Variants in RAB22A observed in about 807,000 individuals in gnomAD.
RAB22A encodes the protein RAB22A, member RAS oncogene family, also known as ras-related protein Rab-22A.
A neutral mutation model predicts 30.2 loss-of-function variants in RAB22A; 13 were observed. The ratio of observed to expected loss-of-function variants is 0.43; its 90% CI spans 0.28 to 0.68. RAB22A has a LOEUF of 0.68. Among genes scored for constraint, RAB22A ranks in the 30% least tolerant of loss-of-function variants. RAB22A has a pLI of 0.18. For synonymous variants in RAB22A, 89 were observed against 87.2 expected (o/e 1.02, Z -0.11); for missense variants, 177 against 246.8 (o/e 0.72, Z 1.89).
chr20:58,357,191 TC>T (rs749422920), intron 6 of RAB22A, among the ~76,000 whole-genome samples: 35 of 152,362 alleles, frequency 2.3e-4, no homozygotes, highest in Non-Finnish European at 3.5e-4. Context: ...GTCAGTGATC[TC>T]CATTTTCATG....
At chr20:58,335,189 C>A (rs560338938) in intron 2 of RAB22A, among the ~76,000 whole-genome samples, 2 of 152,344 alleles carry the variant, frequency 1.3e-5, no homozygotes, top group African/African-American at 4.8e-5. Flanking sequence ...GGACAGTTAA[C>A]CCTCATCTCT....
intron 2 of RAB22A, among the ~76,000 whole-genome samples, chr20:58,321,688 C>T (rs1271750756): frequency 2.0e-5 from 3 of 151,936 alleles, no homozygotes; most frequent in African/African-American, 7.3e-5. Context: ...TCGAAGCTTT[C>T]GTTATTGAGT....
At chr20:58,331,648 A>G (rs776486321) in intron 2 of RAB22A, among the ~76,000 whole-genome samples, 2 of 151,820 alleles carry the variant, frequency 1.3e-5, no homozygotes, top group Non-Finnish European at 2.9e-5. Context: ...AGTATTTGGC[A>G]TTATCTTGAC....
Position 58,364,921 on chromosome 20 carries a change from G to A in RAB22A, c.*5218G>A, listed in dbSNP as rs1987288704. On this transcript the variant is annotated 3_prime_UTR_variant, in exon 7 of 7. Transcript: ENST00000244040. Reference sequence around the variant, plus strand: ...AGCTAATTTTTGTATTTTTAGTAGAGATGGGGTTTCACCATGTTTGCCAGG... The same window carrying A: ...AGCTAATTTTTGTATTTTTAGTAGAAATGGGGTTTCACCATGTTTGCCAGG... The A allele has an allele frequency of 6.6e-6, 1 of 151,948 alleles. No homozygotes were observed. The highest frequency in any genetic ancestry group is 2.1e-4 in the South Asian group (1 of 4,816). 9.4% of individuals were successfully genotyped at this position (151,948 alleles called of 1,614,324 possible). A position where few individuals can be genotyped will look rare whatever the true frequency, so the allele number is the denominator to read the frequency against.
chr20:58,351,639 C>A (rs1433575997), intron 3 of RAB22A, among the ~76,000 whole-genome samples: 1 of 152,152 alleles, frequency 6.6e-6, no homozygotes, highest in Non-Finnish European at 1.5e-5. Flanking sequence ...CATGGAGAAA[C>A]CCCATCTCTA....
rs1479534905 is a variant in RAB22A, at chr20:58,366,885, A to G, written c.*7182A>G. ...AAAGTCCAAATTAAAAGTCTTGAAG[A>G]AAAACAGCTATGGCAATGAGCCTAG... On this transcript the variant is annotated 3_prime_UTR_variant, in exon 7 of 7. Transcript: ENST00000244040. The G allele has an allele frequency of 6.6e-6, 1 of 152,638 alleles. No homozygotes were observed. The highest frequency in any genetic ancestry group is 2.4e-5 in the African/African-American group (1 of 41,464). 9.5% of individuals were successfully genotyped at this position (152,638 alleles called of 1,614,324 possible). A position where few individuals can be genotyped will look rare whatever the true frequency, so the allele number is the denominator to read the frequency against.
intron 6 of RAB22A, among the ~76,000 whole-genome samples, chr20:58,357,883 T>G (rs1987158165): frequency 6.6e-6 from 1 of 152,230 alleles, no homozygotes; most frequent in Non-Finnish European, 1.5e-5. Flanking sequence ...CATCTTAGCC[T>G]TGTTAATGTC....
chr20:58,316,290 T>A (rs526743), intron 2 of RAB22A, among the ~76,000 whole-genome samples: 1 of 152,046 alleles, frequency 6.6e-6, no homozygotes, highest in African/African-American at 2.4e-5. Context: ...TTCATCTTCT[T>A]ACCTCCAGGG....
rs556359625 is a variant in RAB22A, at chr20:58,323,700, G to A, written c.116+12578G>A. On this transcript the variant is annotated intron_variant, in intron 2 of 6. Transcript: ENST00000244040. ...GTTCGGGATAGATTTGAACACCTGG[G>A]CTCAAGTGATCCTCCTGCCTCAACC... Among the ~76,000 whole-genome samples, 316 of 150,500 alleles carry A rather than the reference G, an allele frequency of 2.1e-3. 3 individuals carry two copies. Among genetic ancestry groups the A allele is most frequent in the Non-Finnish European group, 2.2e-3 (152 of 67,766 alleles).
rs533123357 is a variant in RAB22A, at chr20:58,362,524, T to C, written c.*2821T>C. 1.3e-5 allele frequency: 2 copies of C among 152,242 alleles called. No individual in the cohort carries two copies. Among genetic ancestry groups the C allele is most frequent in the Non-Finnish European group, 2.9e-5 (2 of 68,040 alleles). 9.4% of individuals were successfully genotyped at this position (152,242 alleles called of 1,614,324 possible). ...AGAAAAATTATTAATTAGCTGCTAC[T>C]GTATGTTGATTCTTTTCGGAGAAAT... On this transcript the variant is annotated 3_prime_UTR_variant, in exon 7 of 7. Transcript: ENST00000244040.
intron 2 of RAB22A, among the ~76,000 whole-genome samples, chr20:58,327,541 A>G (rs912364271): frequency 6.6e-6 from 1 of 152,196 alleles, no homozygotes; most frequent in African/African-American, 2.4e-5. Flanking sequence ...CACAGAGCAA[A>G]TGATTCAAGA....
chr20:58,311,046 A>G lies in RAB22A; in HGVS notation c.40A>G (p.Thr14Ala). The change falls in exon 2 of 7, where the codon ACA (threonine) becomes GCA (alanine). Residue 14 changes from threonine (T) to alanine (A), a missense_variant. By Grantham distance (58) the Thr-to-Ala change is moderately conservative. Coordinates refer to ENST00000244040, the MANE Select transcript of RAB22A (RefSeq NM_020673.3). ...RELKVCLLGD[T>A]GVGKSSIVWR... Reference sequence around the variant, plus strand: ...CCCTCATCTCGTTCTCTTTCAGGATACAGGTGTAGGTAAATCGAGTATTGT... The same window carrying G: ...CCCTCATCTCGTTCTCTTTCAGGATGCAGGTGTAGGTAAATCGAGTATTGT... 6.3e-7 allele frequency: 1 copy of G among 1,599,720 alleles called. No homozygotes were observed. Among genetic ancestry groups the G allele is most frequent in the African/African-American group, 1.3e-5 (1 of 74,738 alleles).
chr20:58,309,927 C>T lies in RAB22A; in HGVS notation c.-50C>T, dbSNP rs781257434. ...GATGCTCTTGCTGGGCCTGGCCTCT[C>T]CCTTCTCAACTTAGGGCGGCGGCGG... On this transcript the variant is annotated 5_prime_UTR_variant, in exon 1 of 7. Coordinates refer to ENST00000244040, the MANE Select transcript of RAB22A (RefSeq NM_020673.3). 38 of 1,255,366 alleles carry T rather than the reference C, an allele frequency of 3.0e-5. No homozygotes were observed. Among genetic ancestry groups the T allele is most frequent in the South Asian group, 1.5e-4 (4 of 27,220 alleles). 77.8% of individuals were successfully genotyped at this position (1,255,366 alleles called of 1,614,324 possible). A position where few individuals can be genotyped will look rare whatever the true frequency, so the allele number is the denominator to read the frequency against.
chr20:58,345,097 C>G (rs1003735778), intron 3 of RAB22A, among the ~76,000 whole-genome samples: 1 of 152,094 alleles, frequency 6.6e-6, no homozygotes, highest in Non-Finnish European at 1.5e-5. Flanking sequence ...GTCCTGTTAG[C>G]CACGAATCCG....
chr20:58,323,590 T>C lies in RAB22A; in HGVS notation c.116+12468T>C, dbSNP rs141616926. Among the ~76,000 whole-genome samples, 1,008 of 152,002 alleles carry C rather than the reference T, an allele frequency of 6.6e-3. 14 individuals are homozygous for C. The highest frequency in any genetic ancestry group is 0.022 in the African/African-American group (933 of 41,522). ...GTTTGCTATAGGTTTTTTGTACATA[T>C]TCCTATCACATTACAAACGTGCCCT... On this transcript the variant is annotated intron_variant, in intron 2 of 6. Coordinates refer to ENST00000244040, the MANE Select transcript of RAB22A (RefSeq NM_020673.3).
intron 2 of RAB22A, among the ~76,000 whole-genome samples, chr20:58,334,238 G>A (rs1202195978): frequency 6.6e-6 from 1 of 151,948 alleles, no homozygotes; most frequent in Non-Finnish European, 1.5e-5. Flanking sequence ...GGGAGGCTGA[G>A]GCATGAGAAT....
At chr20:58,340,989 C>A (rs1026913081) in intron 2 of RAB22A, among the ~76,000 whole-genome samples, 2 of 152,102 alleles carry the variant, frequency 1.3e-5, no homozygotes, top group Non-Finnish European at 2.9e-5. Context: ...ACTGCAGTGG[C>A]CAAGGCAGGA....
Position 58,354,064 on chromosome 20 carries a change from GTCA to G in RAB22A, c.378-87_378-85del, listed in dbSNP as rs373645721. 2.9e-4 allele frequency: 241 copies of G among 818,056 alleles called. 1 individual carries two copies. The East Asian group carries it at 5.7e-3, about 19-fold the overall frequency. 50.7% of individuals were successfully genotyped at this position (818,056 alleles called of 1,614,324 possible). On this transcript the variant is annotated intron_variant, in intron 5 of 6. Coordinates refer to ENST00000244040, the MANE Select transcript of RAB22A (RefSeq NM_020673.3). ...CCAGCAGCCATTTAGTCCATCCTTT[GTCA>G]TCATAAATCTGGTTAACTACTGGGT...
intron 2 of RAB22A, among the ~76,000 whole-genome samples, chr20:58,313,116 AG>A (rs1986263697): frequency 6.6e-6 from 1 of 152,098 alleles, no homozygotes; most frequent in Non-Finnish European, 1.5e-5. Context: ...ATAAGAAGAG[AG>A]AAAAGTGAAG....
Sources: allele counts gnomAD v4.1 joint callset (sites outside exome capture counted in the v4.1 genomes callset), GRCh38; gene constraint gnomAD v4.1.1; transcripts MANE v1.5; gene names NCBI Gene and HGNC (gene_info 2026-07-23, HGNC 2026-07-21).